CDNF: variants seen among roughly 807,000 people sequenced by gnomAD.
The protein encoded by CDNF is ARMET-like protein 1.
In CDNF, 9 loss-of-function variants were observed where a neutral mutation model predicts 14.8. That is an observed-to-expected ratio of 0.61 (90% CI 0.37 to 1.06). CDNF has a LOEUF of 1.06. CDNF is among the 50% of genes least tolerant of loss of function. The probability of loss-of-function intolerance (pLI) is 0.01; values close to 1 mark genes in which losing one functional copy is unlikely to be tolerated. For missense variants in CDNF, 228 were observed against 228.4 expected (o/e 1.00, Z 0.01); for synonymous variants, 86 against 87.2 (o/e 0.99, Z 0.07).
rs1303884728 is a variant in CDNF, at chr10:14,825,488, G to A, written c.376C>T (p.Leu126=). 1.2e-6 allele frequency: 2 copies of A among 1,613,978 alleles called. No homozygotes were observed. Among genetic ancestry groups the A allele is most frequent in the Non-Finnish European group, 1.7e-6 (2 of 1,179,956 alleles). ...LKKLDSQICE[L]KYEKTLDLAS... ...CGGGGCTGTGTTATACCATATTTCA[G>A]CTCACAGATCTGGCTATCCAACTTC... Residue 126 remains leucine (L), a synonymous_variant, in exon 3 of 4, where the codon CTG becomes TTG. Coordinates refer to ENST00000465530, the MANE Select transcript of CDNF (RefSeq NM_001029954.3).
chr10:14,833,100 T>A (rs375308558), intron 1 of CDNF, among the ~76,000 whole-genome samples: 1 of 152,084 alleles, frequency 6.6e-6, no homozygotes, highest in Non-Finnish European at 1.5e-5. Flanking sequence ...CCTTAGGTGA[T>A]CTGCCTGCCT....
At chr10:14,834,183 A>T (rs1287805056) in intron 1 of CDNF, 1 of 152,102 alleles carries the variant, frequency 6.6e-6, no homozygotes, top group Non-Finnish European at 1.5e-5. Context: ...TCTATTAAAA[A>T]TACAAAAAAT....
chr10:14,833,499 T>G (rs936729510), intron 1 of CDNF, among the ~76,000 whole-genome samples: 1 of 152,212 alleles, frequency 6.6e-6, no homozygotes, highest in Non-Finnish European at 1.5e-5. Flanking sequence ...AATCTCTTTT[T>G]ACATAGATAA....
chr10:14,837,780 C>T, intron 1 of CDNF, 52 bp downstream of exon 1: 2 of 1,149,052 alleles, frequency 1.7e-6, no homozygotes, highest in Non-Finnish European at 2.5e-6. Context: ...CCGACAGCTG[C>T]TGCGCCGCAG....
At chr10:14,820,496 GC>G (rs1409880526) in intron 3 of CDNF, among the ~76,000 whole-genome samples, 1 of 152,180 alleles carries the variant, frequency 6.6e-6, no homozygotes, top group Non-Finnish European at 1.5e-5. Flanking sequence ...GGAGGCTGAG[GC>G]GGGAGGATTG....
rs1245235360 is a variant in CDNF, at chr10:14,825,554, T to G, written c.310A>C (p.Ser104Arg). 4 of 1,613,976 alleles carry G rather than the reference T, an allele frequency of 2.5e-6. No individual in the cohort carries two copies. Among genetic ancestry groups the G allele is most frequent in the Non-Finnish European group, 2.5e-6 (3 of 1,179,996 alleles). The stretch of plus-strand genomic sequence containing the variant: ...ATCTTCATTGCAGGCATATGCACAC[T>G]CATTGGGCGAGTGACTTCACTTAGG... ...KILSEVTRPM[S>R]VHMPAMKICE... Residue 104 changes from serine to arginine, a missense_variant, in exon 3 of 4, where the codon AGT (serine) becomes CGT (arginine). Ser to Arg is a moderately radical substitution (Grantham distance 110). Transcript: ENST00000465530.
intron 1 of CDNF, among the ~76,000 whole-genome samples, chr10:14,835,365 A>G (rs1352770487): frequency 2.0e-5 from 3 of 152,212 alleles, no homozygotes; most frequent in Non-Finnish European, 4.4e-5. Flanking sequence ...GACACACTGG[A>G]CAAGTGGGCA....
intron 3 of CDNF, among the ~76,000 whole-genome samples, 173 bp downstream of exon 3, chr10:14,825,306 C>T: frequency 6.6e-6 from 1 of 152,114 alleles, no homozygotes; most frequent in East Asian, 1.9e-4. Flanking sequence ...ATTTATTTGT[C>T]TTCCCTCAAC....
At chr10:14,824,807 C>T (rs1833765711) in intron 3 of CDNF, among the ~76,000 whole-genome samples, 1 of 152,134 alleles carries the variant, frequency 6.6e-6, no homozygotes, top group Non-Finnish European at 1.5e-5. Flanking sequence ...CTTGTATCAT[C>T]TTTGAATAGG....
intron 2 of CDNF, 82 bp downstream of exon 2, chr10:14,828,063 G>A: frequency 7.1e-7 from 1 of 1,402,344 alleles, no homozygotes; most frequent in Non-Finnish European, 1.0e-6. Flanking sequence ...ATGTAAGTAG[G>A]AGGACTTCAC....
intron 3 of CDNF, among the ~76,000 whole-genome samples, chr10:14,821,871 C>T (rs1009223475): frequency 5.9e-5 from 9 of 152,182 alleles, no homozygotes; most frequent in African/African-American, 1.7e-4. Context: ...TTGCGGCCAA[C>T]TTGAAACCCA....
intron 1 of CDNF, among the ~76,000 whole-genome samples, chr10:14,836,662 T>G (rs1329430549): frequency 6.6e-6 from 1 of 152,262 alleles, no homozygotes; most frequent in African/African-American, 2.4e-5. Flanking sequence ...CTGGGCGCTG[T>G]GGCTCACGCC....
chr10:14,837,979 C>A lies in CDNF; in HGVS notation c.-33G>T, dbSNP rs927108167. On this transcript the variant is annotated 5_prime_UTR_variant, in exon 1 of 4. Coordinates refer to ENST00000465530, the MANE Select transcript of CDNF (RefSeq NM_001029954.3). ...CAGCAGCTTCAATCGCCTCCGCCACCCGCGCCCACCGCCCACCAAGCTGCC... is the reference window on the plus strand; with the variant it reads ...CAGCAGCTTCAATCGCCTCCGCCACACGCGCCCACCGCCCACCAAGCTGCC... 2.7e-6 allele frequency: 4 copies of A among 1,484,898 alleles called. No individual in the cohort carries two copies. The highest frequency in any genetic ancestry group is 1.8e-4 in the Middle Eastern group (1 of 5,572). The allele number at this position is 1,484,898 out of a possible 1,614,324, so 92.0% of individuals were successfully genotyped here. A position where few individuals can be genotyped will look rare whatever the true frequency, so the allele number is the denominator to read the frequency against.
chr10:14,823,909 A>C (rs1389813709), intron 3 of CDNF, among the ~76,000 whole-genome samples: 1 of 152,136 alleles, frequency 6.6e-6, no homozygotes, highest in African/African-American at 2.4e-5. Flanking sequence ...AGGGATGCCT[A>C]CTCTAATAAC....
intron 3 of CDNF, 52 bp from the exon 4 acceptor site, chr10:14,820,210 C>T: frequency 6.4e-7 from 1 of 1,567,740 alleles, no homozygotes; most frequent in Non-Finnish European, 8.7e-7. Flanking sequence ...GAAAAAAAAT[C>T]CCTATGAATC....
chr10:14,834,332 C>T (rs143963608), intron 1 of CDNF: 62 of 151,092 alleles, frequency 4.1e-4, no homozygotes, highest in Non-Finnish European at 8.5e-4. Context: ...CAGAGTGAGG[C>T]TCTGTCTCAA....
chr10:14,827,491 A>G (rs1833808985), intron 2 of CDNF, among the ~76,000 whole-genome samples: 1 of 152,226 alleles, frequency 6.6e-6, no homozygotes, highest in African/African-American at 2.4e-5. Flanking sequence ...ATAATGTAAA[A>G]TATTTTGATA....
chr10:14,829,136 C>A (rs1833823125), intron 1 of CDNF, among the ~76,000 whole-genome samples: 1 of 152,212 alleles, frequency 6.6e-6, no homozygotes, highest in Admixed American at 6.5e-5. Context: ...ATCAATCAAT[C>A]ATTGGAACGA....
At chr10:14,825,725 A>C in intron 2 of CDNF, 105 bp from the exon 3 acceptor site, 1 of 1,243,906 alleles carries the variant, frequency 8.0e-7, no homozygotes, top group Non-Finnish European at 1.1e-6. Flanking sequence ...TAGGCTGGAC[A>C]TGGTGGCTCA....
Sources: allele counts gnomAD v4.1 joint callset (sites outside exome capture counted in the v4.1 genomes callset), GRCh38; gene constraint gnomAD v4.1.1; transcripts MANE v1.5; gene names NCBI Gene and HGNC (gene_info 2026-07-23, HGNC 2026-07-21).